TEP1: variants seen among roughly 807,000 people sequenced by gnomAD.
TEP1 encodes the protein telomerase associated protein 1.
In TEP1, 241 loss-of-function variants were observed where a neutral mutation model predicts 306.3. The ratio of observed to expected loss-of-function variants is 0.79; its 90% CI spans 0.71 to 0.88. TEP1 has a LOEUF of 0.88. Among genes scored for constraint, TEP1 ranks in the 40% least tolerant of loss-of-function variants. The probability of loss-of-function intolerance (pLI) is 0.00; values close to 1 mark genes in which losing one functional copy is unlikely to be tolerated. For synonymous variants in TEP1, 1,289 were observed against 1,305.5 expected, an observed-to-expected ratio of 0.99 and a Z score of 0.27; for missense variants, 3,051 against 3,276.1, an observed-to-expected ratio of 0.93 and a Z score of 1.68.
chr14:20,396,507 G>C (rs986722865), intron 10 of TEP1, 114 bp downstream of exon 10: 10 of 761,256 alleles, frequency 1.3e-5, no homozygotes, highest in Admixed American at 2.7e-5. Flanking sequence ...GAAACAGCTT[G>C]AGGGCCGTAC....
chr14:20,405,492 A>G lies in TEP1; in HGVS notation c.829T>C (p.Cys277Arg), dbSNP rs766237175. ...DPTLAAIFEI[C>R]RELALLEPEF... The stretch of plus-strand genomic sequence containing the variant: ...GGCTCCAGGAGGGCAAGTTCACGAC[A>G]GATTTCAAAAATGGCAGCCAGGGTG... Residue 277 changes from cysteine (C) to arginine (R), a missense_variant, in exon 4 of 55, where the codon TGT (cysteine) becomes CGT (arginine). Around this residue, in one of 3 missense-constraint regions of TEP1, gnomAD observed 1,507 missense variants for 1,550.5 expected, o/e 0.97. Transcript: ENST00000262715. 1 of 1,614,210 alleles carries G rather than the reference A, an allele frequency of 6.2e-7. No individual in the cohort carries two copies. Among genetic ancestry groups the G allele is most frequent in the Non-Finnish European group, 8.5e-7 (1 of 1,180,042 alleles).
intron 17 of TEP1, 91 bp downstream of exon 17, chr14:20,389,147 T>TAA (rs74346293): frequency 0.013 from 13,194 of 1,032,892 alleles, 1 homozygote; most frequent in Non-Finnish European, 0.014. Flanking sequence ...GATTCTGTCT[T>TAA]AAAAAAAAAA....
Position 20,407,908 on chromosome 14 carries a change from T to C in TEP1, c.532A>G (p.Ile178Val). Residue 178 changes from isoleucine (I) to valine (V), a missense_variant, in exon 2 of 55, where the codon ATC becomes GTC. Transcript: ENST00000262715. ...LSTCPIALKS[I>V]SATETAQEAT... is the part of the protein sequence containing the mutation. The stretch of plus-strand genomic sequence containing the variant: ...TCCTGAGCTGTCTCTGTGGCAGAGA[T>C]GGATTTCAGGGCTATAGGGCAGGTT... 6.2e-7 allele frequency: 1 copy of C among 1,605,278 alleles called. No homozygotes were observed. The highest frequency in any genetic ancestry group is 2.2e-5 in the East Asian group (1 of 44,652).
chr14:20,367,368 C>CAAAAAAAAAAAAAAAAAA lies in TEP1; in HGVS notation c.*1068_*1069insTTTTTTTTTTTTTTTTTT, dbSNP rs547615581. 9.8e-6 allele frequency: 1 copy of CAAAAAAAAAAAAAAAAAA among 101,656 alleles called. No individual in the cohort carries two copies. The allele number at this position is 101,656 out of a possible 1,614,324, so 6.3% of individuals were successfully genotyped here. ...ACAGAGCCAGACTCTATCTCAAAAA[C>CAAAAAAAAAAAAAAAAAA]AAAAAAAAAAAAAAAAGGTTTTTTA... On this transcript the variant is annotated 3_prime_UTR_variant, in exon 55 of 55. Transcript: ENST00000262715.
chr14:20,389,300 G>A lies in TEP1; in HGVS notation c.2466-3C>T. On this transcript the variant is annotated splice_polypyrimidine_tract_variant and splice_region_variant and intron_variant, in intron 16 of 54. Transcript: ENST00000262715. ...CATTGGGATTCAAATCTGTTGACCT[G>A]GCAAAGGAAGAAGCAGTCATTAACC... 1.2e-6 allele frequency: 2 copies of A among 1,614,128 alleles called. No homozygotes were observed. Among genetic ancestry groups the A allele is most frequent in the Non-Finnish European group, 1.7e-6 (2 of 1,179,996 alleles).
In TEP1 at chr14:20,381,461, A is replaced by T; in HGVS notation, c.4559-60T>A. 1 of 1,612,710 alleles carries T rather than the reference A, an allele frequency of 6.2e-7. No individual in the cohort carries two copies. Among genetic ancestry groups the T allele is most frequent in the Non-Finnish European group, 8.5e-7 (1 of 1,179,680 alleles). On this transcript the variant is annotated intron_variant, in intron 31 of 54. Transcript: ENST00000262715. The surrounding 1 kb of genome is among the most constrained non-coding windows in gnomAD (Gnocchi z 4.0). ...GCATCATTCCCAAGGGCAGTAGGTGAGCTGGCCAGCAGATGGGAGCACAGT... is the reference window on the plus strand; with the variant it reads ...GCATCATTCCCAAGGGCAGTAGGTGTGCTGGCCAGCAGATGGGAGCACAGT...
At chr14:20,407,788 A>G in intron 2 of TEP1, 85 bp downstream of exon 2, 1 of 1,243,304 alleles carries the variant, frequency 8.0e-7, no homozygotes. Flanking sequence ...AGAGCAGCAC[A>G]GAGGGAAACT....
At chr14:20,376,980 C>A (rs1885210505) in intron 41 of TEP1, among the ~76,000 whole-genome samples, 1 of 152,090 alleles carries the variant, frequency 6.6e-6, no homozygotes, top group African/African-American at 2.4e-5. Flanking sequence ...CTTTGGGAGG[C>A]CGAGGTGGGT....
chr14:20,373,327 T>C lies in TEP1; in HGVS notation c.6757A>G (p.Met2253Val), dbSNP rs779552077. ...GAACCATCCTCAGAGGCGGTCAGCA[T>C]GAGGCCTGAGGTTTCTGAAACAGCA... ...AAAVSETSGL[M>V]LTASEDGSVR... is the part of the protein sequence containing the mutation. The change falls in exon 47 of 55, where the codon ATG (methionine) becomes GTG (valine). Residue 2253 changes from methionine to valine, a missense_variant. Transcript: ENST00000262715. 1.2e-6 allele frequency: 2 copies of C among 1,614,026 alleles called. No individual in the cohort carries two copies. Among genetic ancestry groups the C allele is most frequent in the South Asian group, 1.1e-5 (1 of 91,084 alleles).
Position 20,406,311 on chromosome 14 carries a change from C to T in TEP1, c.657G>A (p.Glu219=), listed in dbSNP as rs760685579. 8.7e-6 allele frequency: 14 copies of T among 1,614,022 alleles called. No individual in the cohort carries two copies. The highest frequency in any genetic ancestry group is 8.0e-5 in the African/African-American group (6 of 74,880). ...CAGAGGTGAGCTTCACGGCCAGATC[C>T]TCCACCTCCTCCTCCTCTCCCAAGC... ...SLSLGEEEEV[E]DLAVKLTSGD... is the part of the protein sequence containing the mutation. Residue 219 remains glutamate, a synonymous_variant, in exon 3 of 55, where the codon GAG becomes GAA. Coordinates refer to ENST00000262715, the MANE Select transcript of TEP1 (RefSeq NM_007110.5).
intron 21 of TEP1, 112 bp downstream of exon 21, chr14:20,384,873 C>G: frequency 6.5e-7 from 1 of 1,546,300 alleles, no homozygotes; most frequent in South Asian, 1.2e-5. Flanking sequence ...CATGCTGAGT[C>G]CTGTTTCTGC....
chr14:20,383,757 G>A lies in TEP1; in HGVS notation c.3696C>T (p.Leu1232=). The A allele has an allele frequency of 6.2e-7, 1 of 1,611,606 alleles. No individual in the cohort carries two copies. Among genetic ancestry groups the A allele is most frequent in the South Asian group, 1.1e-5 (1 of 90,584 alleles). ...LRGQLKEPGA[L]PSTYRSLVWE... is the part of the protein sequence containing the mutation. ...GGGATACCCACCGGTAGGTGCTGGG[G>A]AGGGCACCTGGCTCTTTTAGTTGGC... The change falls in exon 25 of 55, where the codon CTC becomes CTT. Residue 1232 remains leucine, a synonymous_variant. Coordinates refer to ENST00000262715, the MANE Select transcript of TEP1 (RefSeq NM_007110.5).
At chr14:20,411,181 C>T (rs1879659931) in intron 1 of TEP1, among the ~76,000 whole-genome samples, 1 of 152,194 alleles carries the variant, frequency 6.6e-6, no homozygotes, top group Admixed American at 6.5e-5. Context: ...TCTTGCTCCC[C>T]TCTGCATCTT....
At position 20,382,841 on chromosome 14, in the gene TEP1, G is replaced by A. The variant is rs1326974894; in HGVS notation, c.4048-126C>T. ...AGTCCCCAGCAGACGCCAGGTCCAT[G>A]GCATCATCCCAGGACACAAACCATC... On this transcript the variant is annotated intron_variant, in intron 27 of 54. Coordinates refer to ENST00000262715, the MANE Select transcript of TEP1 (RefSeq NM_007110.5). The A allele has an allele frequency of 5.9e-6, 5 of 845,682 alleles. No homozygotes were observed. In the East Asian group the frequency reaches 7.9e-5, roughly 13 times the overall value. 52.4% of individuals were successfully genotyped at this position (845,682 alleles called of 1,614,324 possible). A position where few individuals can be genotyped will look rare whatever the true frequency, so the allele number is the denominator to read the frequency against.
At chr14:20,395,404 G>A in intron 12 of TEP1, 46 bp downstream of exon 12, 6 of 1,520,106 alleles carry the variant, frequency 3.9e-6, no homozygotes, top group Non-Finnish European at 5.3e-6. Flanking sequence ...CTGTGCCAGG[G>A]TAGCCCCGAT....
chr14:20,395,946 A>T lies in TEP1; in HGVS notation c.1663T>A (p.Ser555Thr). 1 of 1,614,032 alleles carries T rather than the reference A, an allele frequency of 6.2e-7. No individual in the cohort carries two copies. The highest frequency in any genetic ancestry group is 8.5e-7 in the Non-Finnish European group (1 of 1,179,942). ...LILQRLQHAK[S>T]VIHSRQFPFR... ...GGAAACTGCCGACTGTGGATCACCG[A>T]CTTCTAGAAAGCAAAGGAGGGAGGG... Residue 555 changes from serine (S) to threonine (T), a missense_variant, in exon 11 of 55, where the codon TCG becomes ACG. Around this residue, in one of 3 missense-constraint regions of TEP1, gnomAD observed 1,507 missense variants for 1,550.5 expected, o/e 0.97. Coordinates refer to ENST00000262715, the MANE Select transcript of TEP1 (RefSeq NM_007110.5).
rs777621949 is a variant in TEP1 at position 20,368,412 on chromosome 14, A to T, written c.*25T>A. 6 of 1,611,962 alleles carry T rather than the reference A, an allele frequency of 3.7e-6. No individual in the cohort carries two copies. The highest frequency in any genetic ancestry group is 3.3e-5 in the Admixed American group (2 of 59,964). On this transcript the variant is annotated 3_prime_UTR_variant, in exon 55 of 55. Transcript: ENST00000262715. ...GCTTTGCATCTCTAGCACAAGGGGT[A>T]TCATTATTCCCGAGTGGCACATCTT...
At chr14:20,385,154 G>T in intron 20 of TEP1, 45 bp from the exon 21 acceptor site, 1 of 1,607,586 alleles carries the variant, frequency 6.2e-7, no homozygotes, top group South Asian at 1.1e-5. Flanking sequence ...AGGCCACAAT[G>T]ACCCTCCCTC....
intron 35 of TEP1, among the ~76,000 whole-genome samples, chr14:20,379,388 A>G (rs1475472487): frequency 2.6e-5 from 4 of 152,218 alleles, no homozygotes. Context: ...ATGAGTGTAA[A>G]GAGGATAGAA....
Sources: gnomAD v4.1 joint callset for allele counts (sites outside exome capture counted in the v4.1 genomes callset) on GRCh38, gnomAD v4.1.1 for gene constraint, gnomAD v4.1.1 regional missense constraint, Gnocchi (gnomAD v3.1) non-coding constraint, MANE v1.5 for transcripts, NCBI Gene and HGNC (gene_info 2026-07-23, HGNC 2026-07-21) for gene names.